Variants in PACRG observed in about 807,000 individuals in gnomAD.
PACRG encodes the protein parkin coregulated gene protein.
In PACRG, 29 loss-of-function variants were observed where a neutral mutation model predicts 29.7. The ratio of observed to expected loss-of-function variants is 0.98; its 90% CI spans 0.73 to 1.33. PACRG has a LOEUF of 1.33. PACRG is among the 40% of genes most tolerant of loss of function. The probability of loss-of-function intolerance (pLI) is 0.00; values close to 1 mark genes in which losing one functional copy is unlikely to be tolerated. For missense variants in PACRG, 279 were observed against 316.2 expected, an observed-to-expected ratio of 0.88 and a Z score of 0.89; for synonymous variants, 116 against 118.7, an observed-to-expected ratio of 0.98 and a Z score of 0.15.
intron 2 of PACRG, among the ~76,000 whole-genome samples, chr6:162,892,282 C>A (rs1794821754): frequency 6.6e-6 from 1 of 152,184 alleles, no homozygotes; most frequent in South Asian, 2.1e-4. Flanking sequence ...TTGTTGAGCA[C>A]TGGATCAGTC....
chr6:163,188,879 A>G (rs1267844522), intron 4 of PACRG, among the ~76,000 whole-genome samples: 1 of 152,240 alleles, frequency 6.6e-6, no homozygotes, highest in South Asian at 2.1e-4. Context: ...ATATTTCCAC[A>G]TACTATTCAT....
At chr6:163,301,845 T>G (rs1785014468) in intron 4 of PACRG, among the ~76,000 whole-genome samples, 1 of 152,230 alleles carries the variant, frequency 6.6e-6, no homozygotes, top group Non-Finnish European at 1.5e-5. Context: ...ATTTTTGTCC[T>G]GGAACCTGTC....
chr6:162,752,283 C>T (rs1254230056), intron 1 of PACRG, among the ~76,000 whole-genome samples: 1 of 152,012 alleles, frequency 6.6e-6, no homozygotes, highest in Non-Finnish European at 1.5e-5. Context: ...AAAAAGTTTG[C>T]CTTTTGTATA....
chr6:163,107,437 T>A (rs1047891644), intron 4 of PACRG, among the ~76,000 whole-genome samples: 1 of 152,212 alleles, frequency 6.6e-6, no homozygotes, highest in Admixed American at 6.5e-5. Context: ...TGGTGGTGGA[T>A]CCCAGTTGAG....
At chr6:163,113,917 A>G (rs370337523) in intron 4 of PACRG, among the ~76,000 whole-genome samples, 115 of 152,318 alleles carry the variant, frequency 7.5e-4, no homozygotes, top group African/African-American at 2.6e-3. Flanking sequence ...TAACCTATTA[A>G]TGCATAAAAA....
intron 3 of PACRG, among the ~76,000 whole-genome samples, chr6:163,088,476 A>C (rs1408569751): frequency 6.6e-6 from 1 of 152,156 alleles, no homozygotes; most frequent in Non-Finnish European, 1.5e-5. Flanking sequence ...AGTGCCAGTA[A>C]GTTGGCCAAC....
intron 2 of PACRG, among the ~76,000 whole-genome samples, chr6:162,861,293 T>C (rs1791838809): frequency 6.6e-6 from 1 of 152,214 alleles, no homozygotes; most frequent in Admixed American, 6.5e-5. Flanking sequence ...TTGGCTGATA[T>C]ATATTCCCAG....
intron 1 of PACRG, among the ~76,000 whole-genome samples, chr6:162,753,352 G>A (rs116328099): frequency 1.0e-3 from 159 of 152,090 alleles, no homozygotes; most frequent in African/African-American, 3.7e-3. Context: ...AGAGCATGTG[G>A]TATTTTTCTT....
intron 1 of PACRG, among the ~76,000 whole-genome samples, chr6:162,809,822 T>C (rs1786678858): frequency 6.6e-6 from 1 of 152,060 alleles, no homozygotes; most frequent in Admixed American, 6.6e-5. Context: ...AAACAAAATA[T>C]CTAAATAATG....
chr6:162,783,356 A>G (rs1317448138), intron 1 of PACRG, among the ~76,000 whole-genome samples: 4 of 152,096 alleles, frequency 2.6e-5, no homozygotes, highest in South Asian at 2.1e-4. Flanking sequence ...AAAATGAATG[A>G]TATTTTTAGA....
chr6:163,256,291 C>G (rs1276074059), intron 4 of PACRG, among the ~76,000 whole-genome samples: 1 of 152,184 alleles, frequency 6.6e-6, no homozygotes, highest in Admixed American at 6.5e-5. Flanking sequence ...GTTTAACAAA[C>G]ACATGCTGAG....
At chr6:162,814,385 T>C in intron 2 of PACRG, 104 bp downstream of exon 2, 2 of 1,428,340 alleles carry the variant, frequency 1.4e-6, no homozygotes, top group Admixed American at 4.0e-5. Flanking sequence ...GAGTCATTTC[T>C]CAGCACATGG....
chr6:162,969,003 C>T (rs1231590782), intron 2 of PACRG, among the ~76,000 whole-genome samples: 4 of 140,166 alleles, frequency 2.9e-5, no homozygotes, highest in Admixed American at 7.5e-5. Context: ...GCCGAGATCG[C>T]ACCACTGCCC....
chr6:163,074,437 G>A (rs1812356368), intron 3 of PACRG, among the ~76,000 whole-genome samples: 1 of 152,128 alleles, frequency 6.6e-6, no homozygotes, highest in African/African-American at 2.4e-5. Context: ...GGAGTAAGCG[G>A]GGATGGTTAG....
chr6:163,312,519 C>T (rs529697221), intron 4 of PACRG, among the ~76,000 whole-genome samples: 7 of 142,346 alleles, frequency 4.9e-5, no homozygotes, highest in East Asian at 2.8e-4. Flanking sequence ...TCCCCACAAG[C>T]GGAGCCACCG....
At chr6:163,298,629 G>A (rs1416465116) in intron 4 of PACRG, among the ~76,000 whole-genome samples, 4 of 152,212 alleles carry the variant, frequency 2.6e-5, no homozygotes, top group Non-Finnish European at 5.9e-5. Context: ...GTGCAAATCT[G>A]GAGGTAGACT....
At chr6:163,054,496 T>G (rs1000171598) in intron 2 of PACRG, among the ~76,000 whole-genome samples, 1 of 152,210 alleles carries the variant, frequency 6.6e-6, no homozygotes, top group Non-Finnish European at 1.5e-5. Flanking sequence ...TAAGGCAGCC[T>G]GGGCTAAGAC....
At chr6:163,135,283 G>A (rs1380642674) in intron 4 of PACRG, among the ~76,000 whole-genome samples, 6 of 151,616 alleles carry the variant, frequency 4.0e-5, no homozygotes, top group Admixed American at 6.6e-5. Context: ...CCACCTCCTC[G>A]GTTCAAGCGA....
chr6:163,206,330 G>A (rs1196529259), intron 4 of PACRG, among the ~76,000 whole-genome samples: 1 of 152,156 alleles, frequency 6.6e-6, no homozygotes, highest in Non-Finnish European at 1.5e-5. Flanking sequence ...ATCAGTGGTA[G>A]ACTGGATAAA....
Sources: allele counts gnomAD v4.1 joint callset (sites outside exome capture counted in the v4.1 genomes callset), GRCh38; gene constraint gnomAD v4.1.1; transcripts MANE v1.5; gene names NCBI Gene and HGNC (gene_info 2026-07-23, HGNC 2026-07-21).